Variants in MANSC4 observed in about 807,000 individuals in gnomAD.
The protein encoded by MANSC4 is MANSC domain-containing protein 4.
Under a neutral mutation model 11.4 loss-of-function variants are expected in MANSC4, and 11 were observed. The observed-to-expected ratio is 0.97, with a 90% CI of 0.61 to 1.60. The LOEUF (loss-of-function observed/expected upper bound fraction) is 1.60. Ranked by LOEUF, MANSC4 falls within the 40% of genes most tolerant of loss-of-function variation. The pLI is 0.00. For missense variants in MANSC4, 354 were observed against 404.6 expected (o/e 0.88, Z 1.07); for synonymous variants, 123 against 147.1 (o/e 0.84, Z 1.19).
chr12:27,764,729 A>G (rs1327458870), intron 3 of MANSC4, among the ~76,000 whole-genome samples: 3 of 152,096 alleles, frequency 2.0e-5, no homozygotes, highest in African/African-American at 7.2e-5. Flanking sequence ...GGAGGTTTCC[A>G]TCTGGACCTC....
At chr12:27,777,521 T>A (rs891632381) in intron 1 of MANSC4, among the ~76,000 whole-genome samples, 1 of 152,142 alleles carries the variant, frequency 6.6e-6, no homozygotes, top group African/African-American at 2.4e-5. Flanking sequence ...TCACTCCACC[T>A]CCTGCTCCAA....
chr12:27,762,883 G>T lies in MANSC4; in HGVS notation c.878C>A (p.Thr293Asn), dbSNP rs372656312. Reference protein sequence around the residue: ...KTWLVSVALCTSVIFLGCCIV... With the variant: ...KTWLVSVALCNSVIFLGCCIV... ...ACAACAGCCGAGAAAGATGACAGAG[G>T]TGCAAAGGGCCACAGAAACCAGCCA... Residue 293 changes from threonine to asparagine, a missense_variant, in exon 4 of 4, where the codon ACC becomes AAC. Thr to Asn is a moderately conservative substitution (Grantham distance 65). Coordinates refer to ENST00000381273, the MANE Select transcript of MANSC4 (RefSeq NM_001146221.5). 7 of 1,552,028 alleles carry T rather than the reference G, an allele frequency of 4.5e-6. No homozygotes were observed. In the East Asian group the frequency reaches 7.3e-5, roughly 16 times the overall value.
chr12:27,771,099 A>G lies in MANSC4; in HGVS notation c.178T>C (p.Ser60Pro). 1 of 1,551,796 alleles carries G rather than the reference A, an allele frequency of 6.4e-7. No individual in the cohort carries two copies. Among genetic ancestry groups the G allele is most frequent in the Non-Finnish European group, 8.7e-7 (1 of 1,147,018 alleles). ...KLGAQFLKYY[S>P]ESTGQKCSRS... is the part of the protein sequence containing the mutation. ...CTGCACTTCTGGCCAGTGCTTTCAG[A>G]ATAATACTTCAAGAACTGGGCTCCC... is the stretch of plus-strand genomic sequence containing the variant. Residue 60 changes from serine (S) to proline (P), a missense_variant, in exon 2 of 4, where the codon TCT becomes CCT. By Grantham distance (74) the Ser-to-Pro change is moderately conservative. Coordinates refer to ENST00000381273, the MANE Select transcript of MANSC4 (RefSeq NM_001146221.5).
chr12:27,766,625 G>A (rs1028056570), intron 3 of MANSC4, 40 bp downstream of exon 3: 19 of 1,539,574 alleles, frequency 1.2e-5, no homozygotes, highest in Middle Eastern at 3.4e-4. Flanking sequence ...CTAGAATATC[G>A]CCAGCATTCT....
intron 3 of MANSC4, among the ~76,000 whole-genome samples, chr12:27,764,128 G>A (rs547647482): frequency 5.9e-5 from 9 of 152,156 alleles, no homozygotes; most frequent in African/African-American, 1.2e-4. Context: ...ATCCCTTTTC[G>A]ACCTCTGAGG....
Position 27,763,320 on chromosome 12 carries a change from G to A in MANSC4, c.441C>T (p.Asp147=). 8 of 1,551,762 alleles carry A rather than the reference G, an allele frequency of 5.2e-6. No homozygotes were observed. Among genetic ancestry groups the A allele is most frequent in the Non-Finnish European group, 7.0e-6 (8 of 1,146,994 alleles). ...LNTRSSSNRW[D]RLRILKAMNL... Reference sequence around the variant, plus strand: ...TCATAGCTTTTAGAATCCTTAGTCTGTCCCATCTATTGGATGAAGAACGAG... The same window carrying A: ...TCATAGCTTTTAGAATCCTTAGTCTATCCCATCTATTGGATGAAGAACGAG... Residue 147 remains aspartate, a synonymous_variant, in exon 4 of 4, where the codon GAC becomes GAT. Coordinates refer to ENST00000381273, the MANE Select transcript of MANSC4 (RefSeq NM_001146221.5).
Position 27,763,112 on chromosome 12 carries a change from C to A in MANSC4, c.649G>T (p.Val217Leu). The A allele has an allele frequency of 6.4e-7, 1 of 1,551,670 alleles. No homozygotes were observed. The highest frequency in any genetic ancestry group is 8.7e-7 in the Non-Finnish European group (1 of 1,147,004). The part of the protein sequence containing the change: ...NESITTKINK[V>L]SPSTDFISNP... ...CTGATGAAATCAGTACTTGGTGACA[C>A]CTTATTTATCTTTGTGGTAATGGAC... Residue 217 changes from valine to leucine, a missense_variant, in exon 4 of 4, where the codon GTG (valine) becomes TTG (leucine). Transcript: ENST00000381273.
At chr12:27,774,464 T>C (rs2062111808) in intron 1 of MANSC4, among the ~76,000 whole-genome samples, 1 of 151,588 alleles carries the variant, frequency 6.6e-6, no homozygotes. Flanking sequence ...ATGTTCACTT[T>C]AATAATTCAA....
chr12:27,768,206 C>T (rs943438472), intron 2 of MANSC4, among the ~76,000 whole-genome samples: 20 of 150,850 alleles, frequency 1.3e-4, no homozygotes, highest in Admixed American at 4.0e-4. Flanking sequence ...GAGACCAGCC[C>T]GGCCAACATG....
In MANSC4 at chr12:27,762,932, C is replaced by T. The variant is rs554907860; in HGVS notation, c.829G>A (p.Glu277Lys). ...SRNHTSANED[E>K]VSVTSKTWLV... The stretch of plus-strand genomic sequence containing the variant: ...CAAGTCTTTGAAGTCACAGATACCT[C>T]ATCTTCATTTGCAGATGTGTGGTTT... Residue 277 changes from glutamate to lysine, a missense_variant, in exon 4 of 4, where the codon GAG (glutamate) becomes AAG (lysine). Coordinates refer to ENST00000381273, the MANE Select transcript of MANSC4 (RefSeq NM_001146221.5). The T allele has an allele frequency of 7.7e-6, 12 of 1,552,086 alleles. No homozygotes were observed. The highest frequency in any genetic ancestry group is 2.7e-5 in the African/African-American group (2 of 73,180).
At chr12:27,779,428 A>C (rs1022446136) in intron 1 of MANSC4, among the ~76,000 whole-genome samples, 3 of 152,168 alleles carry the variant, frequency 2.0e-5, no homozygotes, top group Non-Finnish European at 4.4e-5. Context: ...TTAATAACTT[A>C]GGGAGAATAA....
At chr12:27,773,252 C>G (rs2062107450) in intron 1 of MANSC4, among the ~76,000 whole-genome samples, 1 of 152,204 alleles carries the variant, frequency 6.6e-6, no homozygotes, top group Admixed American at 6.5e-5. Flanking sequence ...AAAAAGGGAT[C>G]TACAAGTCTC....
chr12:27,776,184 A>G (rs983208665), intron 1 of MANSC4, among the ~76,000 whole-genome samples: 3 of 152,058 alleles, frequency 2.0e-5, no homozygotes, highest in Non-Finnish European at 4.4e-5. Flanking sequence ...ATTCTACCAT[A>G]CCAAAATTTA....
intron 1 of MANSC4, among the ~76,000 whole-genome samples, chr12:27,774,562 A>T (rs2062112116): frequency 6.6e-6 from 1 of 152,242 alleles, no homozygotes; most frequent in Non-Finnish European, 1.5e-5. Flanking sequence ...TTAAAAAAAC[A>T]TATGAACGTC....
chr12:27,774,707 G>A (rs2062112495), intron 1 of MANSC4, among the ~76,000 whole-genome samples: 2 of 152,198 alleles, frequency 1.3e-5, no homozygotes, highest in African/African-American at 4.8e-5. Flanking sequence ...ATGGAAAAGA[G>A]CTGAGGAAAG....
At chr12:27,766,619 A>T in intron 3 of MANSC4, 46 bp downstream of exon 3, 1 of 1,537,814 alleles carries the variant, frequency 6.5e-7, no homozygotes, top group Non-Finnish European at 8.8e-7. Flanking sequence ...CCTCTACTAG[A>T]ATATCGCCAG....
At chr12:27,766,267 C>T (rs1245353993) in intron 3 of MANSC4, among the ~76,000 whole-genome samples, 2 of 152,144 alleles carry the variant, frequency 1.3e-5, no homozygotes, top group South Asian at 2.1e-4. Context: ...AGGGTTTCAC[C>T]ATGTTGGCCA....
rs2140795094 is a variant in MANSC4, at chr12:27,763,344, A to G, written c.417T>C (p.Thr139=). Residue 139 remains threonine (T), a synonymous_variant, in exon 4 of 4, where the codon ACT becomes ACC. Transcript: ENST00000381273. The part of the protein sequence containing the change: ...VFEQSPTYLN[T]RSSSNRWDRL... The stretch of plus-strand genomic sequence containing the variant: ...TGTCCCATCTATTGGATGAAGAACG[A>G]GTATTTAGATATGTGGGAGATTGTT... The G allele has an allele frequency of 6.4e-7, 1 of 1,551,880 alleles. No homozygotes were observed. Among genetic ancestry groups the G allele is most frequent in the East Asian group, 2.4e-5 (1 of 40,928 alleles).
At chr12:27,775,562 T>G (rs976059414) in intron 1 of MANSC4, among the ~76,000 whole-genome samples, 2 of 152,106 alleles carry the variant, frequency 1.3e-5, no homozygotes, top group Admixed American at 6.5e-5. Context: ...TCTATACATT[T>G]TATTTATTTT....
Sources: allele counts gnomAD v4.1 joint callset (sites outside exome capture counted in the v4.1 genomes callset), GRCh38; gene constraint gnomAD v4.1.1; transcripts MANE v1.5; gene names NCBI Gene and HGNC (gene_info 2026-07-23, HGNC 2026-07-21).